DPP6: variants seen among roughly 807,000 people sequenced by gnomAD.
DPP6 encodes dipeptidyl peptidase like 6.
Under a neutral mutation model 122.6 loss-of-function variants are expected in DPP6, and 69 were observed. The ratio of observed to expected loss-of-function variants is 0.56; its 90% CI spans 0.46 to 0.69. DPP6 has a LOEUF of 0.69. DPP6 is among the 30% of genes least tolerant of loss of function. DPP6 has a pLI of 0.00. For missense variants in DPP6, 928 were observed against 1,116.9 expected, an observed-to-expected ratio of 0.83 and a Z score of 2.41; for synonymous variants, 418 against 433.1, an observed-to-expected ratio of 0.97 and a Z score of 0.43.
At chr7:154,051,103 A>C (rs2533737), upstream of DPP6, among the ~76,000 whole-genome samples, 23,175 of 120,146 alleles carry the variant, frequency 0.19, 6,253 homozygotes, top group African/African-American at 0.25. Context: ...CAGCCTTGTG[A>C]GTGGCAGCCG....
chr7:153,878,378 C>CAA, the DPP6 span, among the ~76,000 whole-genome samples: 60 of 142,164 alleles, frequency 4.2e-4, no homozygotes, highest in South Asian at 2.6e-3. Flanking sequence ...CCTATCCAAG[C>CAA]AAAAAAAAAA....
intron 1 of DPP6, among the ~76,000 whole-genome samples, chr7:154,439,295 A>G (rs754630940): frequency 6.6e-6 from 1 of 152,208 alleles, no homozygotes; most frequent in Non-Finnish European, 1.5e-5. Flanking sequence ...AGACGCTGTT[A>G]TCATACACAG....
chr7:154,601,573 A>G (rs1245742198), intron 5 of DPP6, among the ~76,000 whole-genome samples: 1 of 120,622 alleles, frequency 8.3e-6, no homozygotes, highest in African/African-American at 2.6e-5. Flanking sequence ...AACTTTTTCT[A>G]TCCTTTTACT....
intron 1 of DPP6, among the ~76,000 whole-genome samples, chr7:154,281,773 T>C (rs905166420): frequency 7.9e-5 from 12 of 152,274 alleles, no homozygotes; most frequent in East Asian, 1.9e-4. Flanking sequence ...AGCATCAGAA[T>C]TGATTTATAC....
intron 17 of DPP6, among the ~76,000 whole-genome samples, chr7:154,867,727 A>G (rs1311957255): frequency 1.3e-5 from 2 of 152,236 alleles, no homozygotes; most frequent in Non-Finnish European, 2.9e-5. Context: ...CACGGAGAAC[A>G]AAAACCTCTG....
chr7:154,240,674 C>A (rs2150872665), intron 1 of DPP6, among the ~76,000 whole-genome samples: 1 of 152,240 alleles, frequency 6.6e-6, no homozygotes, highest in Admixed American at 6.5e-5. Flanking sequence ...GTGATATAGT[C>A]CAAGCTGCAG....
At chr7:154,479,586 A>AAAAGG (rs1823071351) in intron 3 of DPP6, among the ~76,000 whole-genome samples, 1 of 146,704 alleles carries the variant, frequency 6.8e-6, no homozygotes, top group African/African-American at 2.5e-5. Context: ...AAAAGAAAAG[A>AAAAGG]AAAAGAAAAG....
intron 1 of DPP6, among the ~76,000 whole-genome samples, chr7:154,404,604 C>A (rs1354611454): frequency 6.6e-6 from 1 of 152,156 alleles, no homozygotes; most frequent in Admixed American, 6.6e-5. Context: ...ACCAGGTCGA[C>A]CAGAAACATT....
At chr7:154,647,793 C>T (rs554205742) in intron 6 of DPP6, among the ~76,000 whole-genome samples, 10 of 152,240 alleles carry the variant, frequency 6.6e-5, no homozygotes, top group African/African-American at 4.8e-5. Flanking sequence ...AATCAGCACG[C>T]GTGTTGAACC....
chr7:154,062,013 CA>C (rs1456534059), intron 1 of DPP6, among the ~76,000 whole-genome samples: 5 of 95,288 alleles, frequency 5.2e-5, no homozygotes, highest in Non-Finnish European at 9.0e-5. Flanking sequence ...ACCCCCATCG[CA>C]GGGGGGGGGA....
At chr7:154,724,248 G>C (rs1841958091) in intron 7 of DPP6, among the ~76,000 whole-genome samples, 1 of 152,098 alleles carries the variant, frequency 6.6e-6, no homozygotes, top group African/African-American at 2.4e-5. Context: ...CCAGAGAGGG[G>C]GCGACTTGCC....
At position 154,773,160 on chromosome 7, in the gene DPP6, C is replaced by T. The variant is rs192124784; in HGVS notation, c.1136+218C>T. Among the ~76,000 whole-genome samples, 523 of 152,284 alleles carry T rather than the reference C, an allele frequency of 3.4e-3. 2 individuals are homozygous for T. Among genetic ancestry groups the T allele is most frequent in the African/African-American group, 0.012 (498 of 41,560 alleles). ...ATTATTTTTTACCTTAGGTCAGATGCAGGTTATCCTCCTGAGAGCTGGGCT... is the reference window on the plus strand; with the variant it reads ...ATTATTTTTTACCTTAGGTCAGATGTAGGTTATCCTCCTGAGAGCTGGGCT... On this transcript the variant is annotated intron_variant, in intron 10 of 25. Coordinates refer to ENST00000377770, the MANE Select transcript of DPP6 (RefSeq NM_130797.4).
chr7:153,883,468 C>T (rs2622125), upstream of DPP6, among the ~76,000 whole-genome samples: 5,526 of 152,190 alleles, frequency 0.036, 324 homozygotes, highest in African/African-American at 0.13. Flanking sequence ...CCACAACCTC[C>T]GCCTCCCGGG....
chr7:154,815,638 A>AT (rs1744506791), intron 16 of DPP6, among the ~76,000 whole-genome samples: 1 of 152,236 alleles, frequency 6.6e-6, no homozygotes, highest in Non-Finnish European at 1.5e-5. Context: ...CTACTGAAAC[A>AT]TTTTTTGTAT....
intron 8 of DPP6, among the ~76,000 whole-genome samples, chr7:154,759,327 C>T (rs1353026580): frequency 5.3e-5 from 8 of 152,288 alleles, no homozygotes; most frequent in African/African-American, 1.9e-4. Context: ...CATCAGCAGG[C>T]AATTAACAGT....
At chr7:154,593,163 G>A (rs147217494) in intron 5 of DPP6, among the ~76,000 whole-genome samples, 1,611 of 152,264 alleles carry the variant, frequency 0.011, 13 homozygotes, top group Non-Finnish European at 0.015. Flanking sequence ...ACATTCATCA[G>A]CATTGCCCTA....
intron 5 of DPP6, chr7:154,587,535 C>T: frequency 9.0e-7 from 1 of 1,108,480 alleles, no homozygotes; most frequent in African/African-American, 1.6e-5. Context: ...GTGAACATTG[C>T]CCATTGATTT....
chr7:154,881,072 GA>G, intron 21 of DPP6, 130 bp downstream of exon 21: 8 of 1,367,734 alleles, frequency 5.8e-6, no homozygotes, highest in Non-Finnish European at 7.6e-6. Context: ...TTAAAATCAA[GA>G]GCCTGGGTGC....
intron 1 of DPP6, among the ~76,000 whole-genome samples, chr7:154,337,990 C>A (rs1809582304): frequency 6.6e-6 from 1 of 152,228 alleles, no homozygotes; most frequent in Non-Finnish European, 1.5e-5. Context: ...AGCCCCTCCT[C>A]CGTTGACTGC....
Sources: gnomAD v4.1 joint callset for allele counts (sites outside exome capture counted in the v4.1 genomes callset) on GRCh38, gnomAD v4.1.1 for gene constraint, MANE v1.5 for transcripts, NCBI Gene and HGNC (gene_info 2026-07-23, HGNC 2026-07-21) for gene names.